Variants in ADCK2 observed in about 807,000 individuals in gnomAD.
ADCK2 encodes aarF domain containing kinase 2.
In ADCK2, 37 loss-of-function variants were observed where a neutral mutation model predicts 52.3. That is an observed-to-expected ratio of 0.71 (90% CI 0.54 to 0.93). ADCK2 has a LOEUF of 0.93. ADCK2 is among the 40% of genes least tolerant of loss of function. The pLI, the probability that ADCK2 is intolerant of heterozygous loss-of-function variation, is 0.00. For missense variants in ADCK2, 695 were observed against 798.7 expected (o/e 0.87, Z 1.56); for synonymous variants, 321 against 349.2 (o/e 0.92, Z 0.90).
chr7:140,694,295 A>C (rs1388468232), intron 7 of ADCK2, among the ~76,000 whole-genome samples: 2 of 152,192 alleles, frequency 1.3e-5, no homozygotes, highest in African/African-American at 4.8e-5. Flanking sequence ...AAAATAAATA[A>C]ATAAATACAT....
At chr7:140,688,999 A>C (rs1297943951) in intron 5 of ADCK2, among the ~76,000 whole-genome samples, 1 of 151,136 alleles carries the variant, frequency 6.6e-6, no homozygotes, top group Non-Finnish European at 1.5e-5. Flanking sequence ...ATGGAATCTC[A>C]CTCTGTTCCC....
At chr7:140,683,045 G>A (rs947639205) in intron 4 of ADCK2, among the ~76,000 whole-genome samples, 1 of 147,428 alleles carries the variant, frequency 6.8e-6, no homozygotes, top group Non-Finnish European at 1.5e-5. Context: ...GCTCATGCCT[G>A]TAATCCCAGC....
In ADCK2 at chr7:140,673,786, C is replaced by A; in HGVS notation, c.456C>A (p.Ala152=). Reference sequence around the variant, plus strand: ...CCTACATCAAACTGGGCCAGTGGGCCAGCACCCGGCGCGATCTGTTTTCGG... The same window carrying A: ...CCTACATCAAACTGGGCCAGTGGGCAAGCACCCGGCGCGATCTGTTTTCGG... The part of the protein sequence containing the change: ...GPTYIKLGQW[A]STRRDLFSEA... Residue 152 remains alanine, a synonymous_variant, in exon 1 of 8, where the codon GCC becomes GCA. Transcript: ENST00000072869. The surrounding 1 kb of genome is among the most constrained non-coding windows in gnomAD (Gnocchi z 6.4). 6.2e-7 allele frequency: 1 copy of A among 1,613,938 alleles called. No homozygotes were observed. The highest frequency in any genetic ancestry group is 8.5e-7 in the Non-Finnish European group (1 of 1,180,038).
intron 2 of ADCK2, among the ~76,000 whole-genome samples, chr7:140,677,694 G>A (rs1409994677): frequency 6.6e-6 from 1 of 152,198 alleles, no homozygotes; most frequent in Non-Finnish European, 1.5e-5. Flanking sequence ...TGAGCCATCT[G>A]GTATCTGAGG....
chr7:140,675,439 G>C (rs543416838), intron 2 of ADCK2, among the ~76,000 whole-genome samples: 4 of 152,170 alleles, frequency 2.6e-5, no homozygotes, highest in African/African-American at 4.8e-5. Flanking sequence ...GCCACCGTAC[G>C]GTCAAGAGAG....
chr7:140,682,826 CAA>C lies in ADCK2; in HGVS notation c.1305+1707_1305+1708del, dbSNP rs397889908. ...GCAAGATGCCAAAACCCTGTCACTA[CAA>C]AAAAAAAAAAAAAAAAATACAAAAA... On this transcript the variant is annotated intron_variant, in intron 4 of 7. Transcript: ENST00000072869. 7.3e-3 allele frequency among the ~76,000 whole-genome samples: 477 copies of C among 65,166 alleles called. 4 individuals carry two copies. Among genetic ancestry groups the C allele is most frequent in the African/African-American group, 0.019 (441 of 23,028 alleles). 42.8% of individuals were successfully genotyped at this position (65,166 alleles called of 152,430 possible). A position where few individuals can be genotyped will look rare whatever the true frequency, so the allele number is the denominator to read the frequency against.
At chr7:140,682,090 G>C (rs1008873145) in intron 4 of ADCK2, among the ~76,000 whole-genome samples, 2 of 152,198 alleles carry the variant, frequency 1.3e-5, no homozygotes, top group African/African-American at 4.8e-5. Context: ...CACCTGCTAG[G>C]TGCCAGGCAC....
chr7:140,682,407 C>T (rs555140418), intron 4 of ADCK2, among the ~76,000 whole-genome samples: 1 of 151,878 alleles, frequency 6.6e-6, no homozygotes. Flanking sequence ...CTTGGAGAGA[C>T]GAAAGCACTT....
At position 140,674,196 on chromosome 7, in the gene ADCK2, G is replaced by A. The variant is rs145047060; in HGVS notation, c.866G>A (p.Gly289Glu). Residue 289 changes from glycine (G) to glutamate (E), a missense_variant, in exon 1 of 8, where the codon GGG (glycine) becomes GAG (glutamate). By Grantham distance (98) the Gly-to-Glu change is moderately conservative (BLOSUM62 -2). Transcript: ENST00000072869. This position sits in a 1 kb window ranked among gnomAD's most constrained non-coding sequence, Gnocchi z 4.6. ...PKADLVGSNA[G>E]VSRAQVPGHQ... ...GCTGACCTGGTTGGATCAAATGCAG[G>A]GGTGTCTCGGGCTCAGGTCCCTGGC... The A allele has an allele frequency of 4.3e-6, 7 of 1,613,858 alleles. No individual in the cohort carries two copies. The highest frequency in any genetic ancestry group is 5.9e-6 in the Non-Finnish European group (7 of 1,180,026).
At chr7:140,691,292 C>G (rs906045911) in intron 7 of ADCK2, among the ~76,000 whole-genome samples, 2 of 152,212 alleles carry the variant, frequency 1.3e-5, no homozygotes, top group Non-Finnish European at 2.9e-5. Context: ...AGCTGTTAGT[C>G]TATCTGTCAA....
rs796512463 is a variant in ADCK2 at position 140,682,051 on chromosome 7, G to T, written c.1305+914G>T. Reference sequence around the variant, plus strand: ...AATATCTTATTTTAAATGCTGCTTTGCTCATTTGTTCAGCAAATGTTTATT... The same window carrying T: ...AATATCTTATTTTAAATGCTGCTTTTCTCATTTGTTCAGCAAATGTTTATT... On this transcript the variant is annotated intron_variant, in intron 4 of 7. Coordinates refer to ENST00000072869, the MANE Select transcript of ADCK2 (RefSeq NM_052853.4). Among the ~76,000 whole-genome samples, 31 of 152,266 alleles carry T rather than the reference G, an allele frequency of 2.0e-4. 1 individual carries two copies. The highest frequency in any genetic ancestry group is 7.2e-4 in the African/African-American group (30 of 41,550).
chr7:140,674,236 C>T lies in ADCK2; in HGVS notation c.906C>T (p.Ala302=). ...AGGTCCCTGGCCACCAACCTGAGGCCACCAACCTCATCTCCGTGGCAGTGA... is the reference window on the plus strand; with the variant it reads ...AGGTCCCTGGCCACCAACCTGAGGCTACCAACCTCATCTCCGTGGCAGTGA... The part of the protein sequence containing the change: ...RAQVPGHQPE[A]TNLISVAVKV... Residue 302 remains alanine, a synonymous_variant, in exon 1 of 8, where the codon GCC becomes GCT. Transcript: ENST00000072869. The surrounding 1 kb of genome is among the most constrained non-coding windows in gnomAD (Gnocchi z 4.6). The T allele has an allele frequency of 6.2e-7, 1 of 1,613,272 alleles. No individual in the cohort carries two copies. Among genetic ancestry groups the T allele is most frequent in the Non-Finnish European group, 8.5e-7 (1 of 1,179,572 alleles).
Position 140,673,547 on chromosome 7 carries a change from AGCGGGGCGGCTGGC to A in ADCK2, c.225_238del (p.Ala76ArgfsTer103). 1 of 1,600,808 alleles carries A rather than the reference AGCGGGGCGGCTGGC, an allele frequency of 6.2e-7. No individual in the cohort carries two copies. Among genetic ancestry groups the A allele is most frequent in the South Asian group, 1.1e-5 (1 of 90,452 alleles). On this transcript the variant is annotated frameshift_variant, in exon 1 of 8. Coordinates refer to ENST00000072869, the MANE Select transcript of ADCK2 (RefSeq NM_052853.4). LOFTEE classifies it high-confidence loss of function. The surrounding 1 kb of genome is among the most constrained non-coding windows in gnomAD (Gnocchi z 6.4). Reference sequence around the variant, plus strand: ...TCTGAGTCGGCGAAGGGTCCGCTGCAGCGGGGCGGCTGGCGCGGGGCCCGCGGAGAGCCTCCCCC... The same window carrying A: ...TCTGAGTCGGCGAAGGGTCCGCTGCAGCGGGGCCCGCGGAGAGCCTCCCCC...
At chr7:140,690,471 A>G (rs998867384) in intron 6 of ADCK2, among the ~76,000 whole-genome samples, 2 of 138,774 alleles carry the variant, frequency 1.4e-5, no homozygotes, top group Non-Finnish European at 3.1e-5. Flanking sequence ...CCAAAGTGCT[A>G]GGATTATAGG....
intron 4 of ADCK2, among the ~76,000 whole-genome samples, chr7:140,682,827 A>C (rs1477421916): frequency 1.0e-5 from 1 of 96,066 alleles, no homozygotes; most frequent in African/African-American, 7.5e-5. Context: ...CTGTCACTAC[A>C]AAAAAAAAAA....
intron 4 of ADCK2, among the ~76,000 whole-genome samples, chr7:140,682,292 C>T (rs1038289403): frequency 1.3e-5 from 2 of 152,236 alleles, no homozygotes; most frequent in Admixed American, 1.3e-4. Context: ...TCCATCTCAG[C>T]TGCAGTGTGA....
intron 3 of ADCK2, 133 bp from the exon 4 acceptor site, chr7:140,680,909 T>A (rs531474601): frequency 2.7e-6 from 2 of 741,740 alleles, no homozygotes; most frequent in East Asian, 5.5e-5. Context: ...GACAGATGGG[T>A]TCTAGGAAAG....
intron 2 of ADCK2, 28 bp from the exon 3 acceptor site, chr7:140,679,127 C>A: frequency 6.2e-7 from 1 of 1,612,794 alleles, no homozygotes. Flanking sequence ...CAGACTAGCC[C>A]TCATCCTTTC....
chr7:140,683,380 G>A (rs1243106600), intron 4 of ADCK2, among the ~76,000 whole-genome samples: 1 of 152,224 alleles, frequency 6.6e-6, no homozygotes, highest in Non-Finnish European at 1.5e-5. Context: ...GTGTGGAGTT[G>A]GAGTGGGAGG....
Sources: gnomAD v4.1 joint callset for allele counts (sites outside exome capture counted in the v4.1 genomes callset) on GRCh38, gnomAD v4.1.1 for gene constraint, Gnocchi (gnomAD v3.1) non-coding constraint, MANE v1.5 for transcripts, NCBI Gene and HGNC (gene_info 2026-07-23, HGNC 2026-07-21) for gene names.